Variants in TGFBRAP1 observed in about 807,000 individuals in gnomAD.
The protein encoded by TGFBRAP1 is transforming growth factor-beta receptor-associated protein 1.
Under a neutral mutation model 83.2 loss-of-function variants are expected in TGFBRAP1, and 20 were observed. The ratio of observed to expected loss-of-function variants is 0.24; its 90% CI spans 0.17 to 0.35. TGFBRAP1 has a LOEUF of 0.35. Among genes scored for constraint, TGFBRAP1 ranks in the 10% least tolerant of loss-of-function variants. The probability of loss-of-function intolerance (pLI) is 1.00; values close to 1 mark genes in which losing one functional copy is unlikely to be tolerated. For synonymous variants in TGFBRAP1, 415 were observed against 459.8 expected, an observed-to-expected ratio of 0.90 and a Z score of 1.25; for missense variants, 950 against 1,099.4, an observed-to-expected ratio of 0.86 and a Z score of 1.92.
At chr2:105,320,017 G>T (rs1679009119) in intron 1 of TGFBRAP1, among the ~76,000 whole-genome samples, 16 of 151,998 alleles carry the variant, frequency 1.1e-4, no homozygotes, top group Admixed American at 1.1e-3. Flanking sequence ...AGAATGCTAT[G>T]ACAAACTGGC....
chr2:105,271,303 C>A (rs916031555), intron 10 of TGFBRAP1, among the ~76,000 whole-genome samples: 74 of 152,366 alleles, frequency 4.9e-4, no homozygotes, highest in African/African-American at 1.7e-3. Context: ...GGAATGCAAA[C>A]ATTGAACCAC....
downstream of TGFBRAP1, among the ~76,000 whole-genome samples, chr2:105,262,772 C>T (rs1248539781): frequency 1.3e-5 from 2 of 152,192 alleles, no homozygotes; most frequent in Non-Finnish European, 2.9e-5. Context: ...GGACTGCAGG[C>T]TGAATGATAG....
At position 105,269,253 on chromosome 2, in the gene TGFBRAP1, C is replaced by A; in HGVS notation, c.2406+19G>T. On this transcript the variant is annotated intron_variant, in intron 11 of 11. Transcript: ENST00000393359. The surrounding 1 kb of genome is among the most constrained non-coding windows in gnomAD (Gnocchi z 4.1). ...AATGTTGACTGACCAGGAAGCAGCT[C>A]GTGGGGGCCAGCACTTACCTTATCG... 1.3e-6 allele frequency: 2 copies of A among 1,563,708 alleles called. No homozygotes were observed. The highest frequency in any genetic ancestry group is 1.2e-5 in the South Asian group (1 of 85,078).
At chr2:105,283,005 T>C (rs1677595342) in intron 5 of TGFBRAP1, among the ~76,000 whole-genome samples, 1 of 152,110 alleles carries the variant, frequency 6.6e-6, no homozygotes, top group Non-Finnish European at 1.5e-5. Flanking sequence ...AATCCATCTG[T>C]GGACAATCAC....
In TGFBRAP1 at chr2:105,308,274, C is replaced by G. The variant is rs201941079; in HGVS notation, c.28G>C (p.Val10Leu). 962 of 1,613,672 alleles carry G rather than the reference C, an allele frequency of 6.0e-4. 2 individuals are homozygous for G. Among genetic ancestry groups the G allele is most frequent in the Non-Finnish European group, 7.6e-4 (899 of 1,179,716 alleles). ...AGCAGCTCCCGCTCCACAGCAGAGA[C>G]AAGCGTAAAGGCTTTGATGCTCATC... Reference protein sequence around the residue: MMSIKAFTLVSAVERELLMG... With the variant: MMSIKAFTLLSAVERELLMG... Residue 10 changes from valine to leucine, a missense_variant, in exon 2 of 12, where the codon GTC becomes CTC. Val to Leu is a conservative substitution (Grantham distance 32). Transcript: ENST00000393359.
chr2:105,295,637 C>G (rs1340123766), intron 4 of TGFBRAP1, among the ~76,000 whole-genome samples: 1 of 151,726 alleles, frequency 6.6e-6, no homozygotes, highest in African/African-American at 2.4e-5. Context: ...ATGGTGAAAC[C>G]CCATCTCTAT....
At chr2:105,306,368 T>C (rs553690523) in intron 2 of TGFBRAP1, among the ~76,000 whole-genome samples, 3 of 152,280 alleles carry the variant, frequency 2.0e-5, no homozygotes, top group Non-Finnish European at 4.4e-5. Flanking sequence ...AGCCCAGAGT[T>C]ATTTTTGTAG....
chr2:105,252,290 A>G, the TGFBRAP1 span, among the ~76,000 whole-genome samples: 3 of 152,238 alleles, frequency 2.0e-5, no homozygotes, highest in Non-Finnish European at 4.4e-5. Flanking sequence ...AGACTGAATG[A>G]TTTTAAAAAT....
At chr2:105,260,738 T>C (rs948565429), downstream of TGFBRAP1, among the ~76,000 whole-genome samples, 3 of 152,142 alleles carry the variant, frequency 2.0e-5, no homozygotes, top group African/African-American at 7.2e-5. Flanking sequence ...ATTGTTAGAA[T>C]GATAAACTTA....
intron 4 of TGFBRAP1, among the ~76,000 whole-genome samples, chr2:105,290,876 C>T (rs562740404): frequency 7.2e-5 from 11 of 152,034 alleles, no homozygotes; most frequent in African/African-American, 2.4e-4. Flanking sequence ...TGTCATGGCA[C>T]GTGCCTGTAA....
chr2:105,285,782 A>G (rs1025770848), intron 4 of TGFBRAP1, among the ~76,000 whole-genome samples: 114 of 152,370 alleles, frequency 7.5e-4, no homozygotes, highest in African/African-American at 2.6e-3. Context: ...TAGAGATGTC[A>G]GACAAAGCAG....
intron 1 of TGFBRAP1, among the ~76,000 whole-genome samples, chr2:105,329,030 G>A (rs1017474243): frequency 6.6e-6 from 1 of 152,110 alleles, no homozygotes. Context: ...GCTAAAAACA[G>A]GGGCCAGGAA....
At chr2:105,273,132 T>G (rs1375772270) in intron 9 of TGFBRAP1, 118 bp from the exon 10 acceptor site, 3 of 1,281,708 alleles carry the variant, frequency 2.3e-6, no homozygotes, top group African/African-American at 1.5e-5. Context: ...GCTGGGCAGA[T>G]GCTCACTTGC....
chr2:105,303,605 G>A (rs1678379769), intron 2 of TGFBRAP1, among the ~76,000 whole-genome samples: 1 of 152,192 alleles, frequency 6.6e-6, no homozygotes, highest in South Asian at 2.1e-4. Context: ...AGCCATTTCT[G>A]TAAGACAGAA....
chr2:105,284,178 C>T (rs1677635815), intron 5 of TGFBRAP1, 138 bp downstream of exon 5: 4 of 746,872 alleles, frequency 5.4e-6, no homozygotes, highest in South Asian at 3.3e-5. Context: ...TCTGCTGTCA[C>T]GAGCTACCCC....
intron 2 of TGFBRAP1, among the ~76,000 whole-genome samples, chr2:105,300,781 T>C (rs752304499): frequency 1.3e-5 from 2 of 152,092 alleles, no homozygotes; most frequent in African/African-American, 2.4e-5. Flanking sequence ...GGCACGTGAA[T>C]AGGCAAATGA....
chr2:105,323,329 G>A (rs541190350), intron 1 of TGFBRAP1, among the ~76,000 whole-genome samples: 1 of 152,230 alleles, frequency 6.6e-6, no homozygotes, highest in South Asian at 2.1e-4. Context: ...GAAACAGCGT[G>A]GGCAGCTGCC....
intron 2 of TGFBRAP1, among the ~76,000 whole-genome samples, chr2:105,306,068 G>GTTTTT (rs1553406584): frequency 1.7e-5 from 2 of 118,660 alleles, no homozygotes; most frequent in African/African-American, 7.5e-5. Flanking sequence ...TTTGTTTTTT[G>GTTTTT]TTTTTTTTTT....
intron 4 of TGFBRAP1, among the ~76,000 whole-genome samples, chr2:105,293,664 A>G (rs1573188567): frequency 6.6e-6 from 1 of 152,310 alleles, no homozygotes; most frequent in East Asian, 1.9e-4. Flanking sequence ...AAACATACAC[A>G]TTTATGAAAA....
Sources: allele counts gnomAD v4.1 joint callset (sites outside exome capture counted in the v4.1 genomes callset), GRCh38; gene constraint gnomAD v4.1.1; non-coding constraint Gnocchi (gnomAD v3.1); transcripts MANE v1.5; gene names NCBI Gene and HGNC (gene_info 2026-07-23, HGNC 2026-07-21).